The following CDH8 variants were observed in gnomAD, a reference collection of about 807,000 sequenced individuals.
The protein encoded by CDH8 is cadherin 8, also known as cadherin-8.
In CDH8, 17 loss-of-function variants were observed where a neutral mutation model predicts 68.1. The observed-to-expected ratio is 0.25, with a 90% confidence interval of 0.17 to 0.37. The LOEUF is 0.37. Ranked by LOEUF, CDH8 falls within the 10% of genes least tolerant of loss-of-function variation. CDH8 has a pLI of 1.00. For missense variants in CDH8, 763 were observed against 999.3 expected (o/e 0.76, Z 3.19); for synonymous variants, 372 against 365.1 (o/e 1.02, Z -0.21).
chr16:61,880,055 A>G (rs1464834249), intron 3 of CDH8, among the ~76,000 whole-genome samples: 2 of 151,856 alleles, frequency 1.3e-5, no homozygotes, highest in Admixed American at 1.3e-4. Context: ...CCTCCTGAGT[A>G]GCTGGGACTA....
At chr16:61,827,868 T>A (rs1295479760) in intron 4 of CDH8, among the ~76,000 whole-genome samples, 1 of 151,892 alleles carries the variant, frequency 6.6e-6, no homozygotes, top group East Asian at 1.9e-4. Context: ...TAACTGCTAA[T>A]AACCTACTAT....
rs1963306401 is a variant in CDH8, at chr16:61,650,753, G to T, written c.*2855C>A. On this transcript the variant is annotated 3_prime_UTR_variant, in exon 12 of 12. Transcript: ENST00000577390. ...AGAGAAAGAGAGAAAGAGAGAGATA[G>T]TTCCTGAGATTTTTAGTTTAATTCA... is the stretch of plus-strand genomic sequence containing the variant. 1 of 150,424 alleles carries T rather than the reference G, an allele frequency of 6.6e-6. No homozygotes were observed. 9.3% of individuals were successfully genotyped at this position (150,424 alleles called of 1,614,324 possible).
intron 2 of CDH8, among the ~76,000 whole-genome samples, chr16:61,948,419 T>G (rs2143572200): frequency 6.6e-6 from 1 of 152,292 alleles, no homozygotes; most frequent in African/African-American, 2.4e-5. Context: ...CAAATATCTT[T>G]CAATATGTAA....
Position 61,654,014 on chromosome 16 carries a change from A to G in CDH8, c.1994T>C (p.Ile665Thr). ...KDDEDVRENI[I>T]RYDDEGGGEE... ...CCCTCCTCCTTCATCATCGTAGCGA[A>G]TGATGTTTTCTCGAACGTCTTCATC... The change falls in exon 12 of 12, where the codon ATT becomes ACT. Residue 665 changes from isoleucine (I) to threonine (T), a missense_variant. Physicochemically the swap from Ile to Thr is moderately conservative, Grantham distance 89. Transcript: ENST00000577390. 6.2e-7 allele frequency: 1 copy of G among 1,614,106 alleles called. No homozygotes were observed. The highest frequency in any genetic ancestry group is 8.5e-7 in the Non-Finnish European group (1 of 1,180,004).
intron 10 of CDH8, 76 bp downstream of exon 10, chr16:61,713,765 T>G (rs12446623): frequency 0.17 from 131,691 of 785,118 alleles, 12,927 homozygotes; most frequent in African/African-American, 0.33. Context: ...TAATGATAAT[T>G]TTCAGTTATG....
chr16:61,989,958 G>A (rs1318613914), intron 2 of CDH8, among the ~76,000 whole-genome samples: 2 of 152,052 alleles, frequency 1.3e-5, no homozygotes, highest in Admixed American at 6.6e-5. Context: ...AATATCACAT[G>A]CTGATTGGGA....
chr16:61,817,074 CTG>C (rs1567483833), intron 7 of CDH8, among the ~76,000 whole-genome samples: 1 of 152,052 alleles, frequency 6.6e-6, no homozygotes, highest in Non-Finnish European at 1.5e-5. Flanking sequence ...TTCACCATAA[CTG>C]TCAAAAGAGA....
At chr16:61,776,259 T>A (rs1209334431) in intron 8 of CDH8, among the ~76,000 whole-genome samples, 2 of 152,170 alleles carry the variant, frequency 1.3e-5, no homozygotes, top group East Asian at 3.9e-4. Context: ...CGTTGAGACC[T>A]AAAGAGATTG....
chr16:61,895,691 CAT>C (rs1476291296), intron 3 of CDH8, among the ~76,000 whole-genome samples: 1 of 152,174 alleles, frequency 6.6e-6, no homozygotes, highest in Non-Finnish European at 1.5e-5. Context: ...TTCATTCCAA[CAT>C]ATGCATTTTG....
chr16:61,686,766 T>A (rs1457276356), intron 10 of CDH8, among the ~76,000 whole-genome samples: 1 of 151,940 alleles, frequency 6.6e-6, no homozygotes, highest in African/African-American at 2.4e-5. Context: ...GGGTTTTGTG[T>A]TTCTTTATAT....
chr16:61,844,115 T>C (rs1233854061), intron 4 of CDH8, among the ~76,000 whole-genome samples: 1 of 152,050 alleles, frequency 6.6e-6, no homozygotes, highest in Non-Finnish European at 1.5e-5. Flanking sequence ...GATGACTTCA[T>C]GTCCTTTGTA....
intron 2 of CDH8, among the ~76,000 whole-genome samples, chr16:61,979,657 C>G (rs1597105076): frequency 6.8e-6 from 1 of 147,514 alleles, no homozygotes; most frequent in African/African-American, 2.5e-5. Context: ...TTTTTTTTTT[C>G]TAAGATACCA....
At chr16:61,857,305 G>T (rs992509350) in intron 3 of CDH8, 67 bp from the exon 4 acceptor site, 30 of 1,413,500 alleles carry the variant, frequency 2.1e-5, no homozygotes, top group Non-Finnish European at 2.7e-5. Flanking sequence ...GCTACATTTT[G>T]TCAAGTATTT....
chr16:61,783,741 G>T (rs954692796), intron 8 of CDH8, among the ~76,000 whole-genome samples: 15 of 151,816 alleles, frequency 9.9e-5, no homozygotes, highest in Admixed American at 4.6e-4. Flanking sequence ...CGGATCTCTC[G>T]GCAGAAACCC....
intron 3 of CDH8, among the ~76,000 whole-genome samples, chr16:61,884,341 G>T (rs539899355): frequency 1.3e-5 from 2 of 151,718 alleles, no homozygotes; most frequent in East Asian, 3.9e-4. Context: ...ACTTCCACGT[G>T]ATGAATAGTA....
At chr16:61,660,319 A>G (rs999126174) in intron 10 of CDH8, among the ~76,000 whole-genome samples, 1 of 152,112 alleles carries the variant, frequency 6.6e-6, no homozygotes, top group Non-Finnish European at 1.5e-5. Flanking sequence ...AGGGACAATA[A>G]AAAATTAACT....
intron 8 of CDH8, among the ~76,000 whole-genome samples, chr16:61,778,542 A>C (rs1351747818): frequency 6.6e-6 from 1 of 152,200 alleles, no homozygotes; most frequent in East Asian, 1.9e-4. Flanking sequence ...AATAATTTTA[A>C]ATGAAGCTGT....
intron 8 of CDH8, among the ~76,000 whole-genome samples, chr16:61,741,020 T>A (rs899305795): frequency 2.0e-5 from 3 of 152,192 alleles, no homozygotes; most frequent in Non-Finnish European, 2.9e-5. Context: ...GTACTAAAGA[T>A]CAAGCTGCTG....
At chr16:61,736,623 C>T (rs892204087) in intron 8 of CDH8, among the ~76,000 whole-genome samples, 2 of 152,082 alleles carry the variant, frequency 1.3e-5, no homozygotes, top group African/African-American at 2.4e-5. Context: ...TTATCTTTAT[C>T]GATATTATAT....
Sources: allele counts gnomAD v4.1 joint callset (sites outside exome capture counted in the v4.1 genomes callset), GRCh38; gene constraint gnomAD v4.1.1; transcripts MANE v1.5; gene names NCBI Gene and HGNC (gene_info 2026-07-23, HGNC 2026-07-21).